EYA1: variants seen among roughly 807,000 people sequenced by gnomAD.
EYA1 encodes EYA transcriptional coactivator and phosphatase 1.
EYA1 carries 16 observed loss-of-function variants against 82.0 expected under a neutral mutation model. The observed-to-expected ratio is 0.20, with a 90% CI of 0.13 to 0.30. The LOEUF (loss-of-function observed/expected upper bound fraction) is 0.30. EYA1 is among the 10% of genes least tolerant of loss of function. EYA1 has a pLI of 1.00. For missense variants in EYA1, 633 were observed against 730.7 expected, an observed-to-expected ratio of 0.87 and a Z score of 1.54; for synonymous variants, 261 against 264.4, an observed-to-expected ratio of 0.99 and a Z score of 0.12.
At chr8:71,383,997 A>G (rs1211720514) in intron 2 of EYA1, among the ~76,000 whole-genome samples, 1 of 152,088 alleles carries the variant, frequency 6.6e-6, no homozygotes, top group Non-Finnish European at 1.5e-5. Context: ...AAATGTTATT[A>G]GAACATTTGT....
chr8:71,523,031 T>C (rs1267932092), intron 2 of EYA1, among the ~76,000 whole-genome samples: 2 of 152,200 alleles, frequency 1.3e-5, no homozygotes, highest in East Asian at 3.8e-4. Flanking sequence ...GATTATAAAA[T>C]TGTTTTTCTC....
intron 11 of EYA1, among the ~76,000 whole-genome samples, chr8:71,249,838 G>A (rs1813531954): frequency 6.6e-6 from 1 of 151,976 alleles, no homozygotes. Flanking sequence ...TTCAATGTGT[G>A]GCAAGTTGGA....
chr8:71,334,309 T>A, intron 3 of EYA1, 135 bp from the exon 4 acceptor site: 1 of 763,422 alleles, frequency 1.3e-6, no homozygotes, highest in Admixed American at 1.9e-5. Flanking sequence ...ACATATATCA[T>A]AAGCATAAAT....
chr8:71,477,014 G>A (rs1300862278), intron 2 of EYA1, among the ~76,000 whole-genome samples: 1 of 151,906 alleles, frequency 6.6e-6, no homozygotes, highest in East Asian at 1.9e-4. Context: ...GGAACAATTG[G>A]ATATCCTCAT....
At chr8:71,340,622 G>A (rs1825011756) in intron 3 of EYA1, among the ~76,000 whole-genome samples, 1 of 151,880 alleles carries the variant, frequency 6.6e-6, no homozygotes, top group African/African-American at 2.4e-5. Flanking sequence ...ACTCAGGGGT[G>A]GTTTCTTATT....
At chr8:71,253,298 A>G (rs1813971399) in intron 11 of EYA1, among the ~76,000 whole-genome samples, 1 of 152,130 alleles carries the variant, frequency 6.6e-6, no homozygotes, top group Admixed American at 6.5e-5. Flanking sequence ...GGTAAAATGC[A>G]TGTGACTTGG....
intron 16 of EYA1, 102 bp downstream of exon 16, chr8:71,215,285 C>A (rs1182198196): frequency 1.9e-6 from 2 of 1,062,690 alleles, no homozygotes; most frequent in Non-Finnish European, 2.8e-6. Context: ...TTTTTTTTGA[C>A]CTATGTAGCA....
chr8:71,429,911 G>A (rs534618041), intron 2 of EYA1, among the ~76,000 whole-genome samples: 1 of 152,188 alleles, frequency 6.6e-6, no homozygotes, highest in East Asian at 1.9e-4. Flanking sequence ...GCTTAACTTT[G>A]GCATTATGAA....
At chr8:71,294,391 C>T (rs1321461386) in intron 9 of EYA1, among the ~76,000 whole-genome samples, 1 of 151,994 alleles carries the variant, frequency 6.6e-6, no homozygotes, top group Non-Finnish European at 1.5e-5. Flanking sequence ...CCCCGGGGGG[C>T]GGAGCCTGCA....
intron 2 of EYA1, among the ~76,000 whole-genome samples, chr8:71,479,314 C>T (rs1809920662): frequency 6.6e-6 from 1 of 152,120 alleles, no homozygotes; most frequent in Admixed American, 6.6e-5. Flanking sequence ...TTGCACCTTC[C>T]CCACGAGGCC....
chr8:71,530,487 T>C (rs575058119), intron 2 of EYA1, among the ~76,000 whole-genome samples: 8 of 152,300 alleles, frequency 5.3e-5, no homozygotes, highest in African/African-American at 1.9e-4. Context: ...AAAAATGAAA[T>C]TGTAAATCTC....
intron 1 of EYA1, among the ~76,000 whole-genome samples, chr8:71,546,423 C>T (rs1039587865): frequency 5.3e-5 from 8 of 152,082 alleles, no homozygotes; most frequent in Non-Finnish European, 8.8e-5. Context: ...CATTGACCAA[C>T]ATGGACATCC....
intron 11 of EYA1, among the ~76,000 whole-genome samples, chr8:71,262,695 G>A (rs558556062): frequency 1.2e-4 from 19 of 152,262 alleles, no homozygotes; most frequent in South Asian, 4.2e-4. Context: ...TAAACAGCAA[G>A]AATGTACATT....
At chr8:71,264,301 C>A (rs1282465050) in intron 11 of EYA1, among the ~76,000 whole-genome samples, 1 of 152,112 alleles carries the variant, frequency 6.6e-6, no homozygotes, top group Admixed American at 6.5e-5. Flanking sequence ...TCTCTACTGG[C>A]GAACTGAGCT....
At chr8:71,232,220 A>G (rs1156481487) in intron 12 of EYA1, among the ~76,000 whole-genome samples, 1 of 152,230 alleles carries the variant, frequency 6.6e-6, no homozygotes, top group Non-Finnish European at 1.5e-5. Context: ...TTGTACTGAC[A>G]TGAGAAAAGT....
chr8:71,300,733 G>C (rs1820115711), intron 7 of EYA1, among the ~76,000 whole-genome samples: 1 of 151,964 alleles, frequency 6.6e-6, no homozygotes, highest in African/African-American at 2.4e-5. Context: ...TCCATAACAG[G>C]TACTATTCAG....
intron 2 of EYA1, among the ~76,000 whole-genome samples, chr8:71,516,680 T>A (rs944040214): frequency 6.6e-6 from 1 of 152,230 alleles, no homozygotes; most frequent in East Asian, 1.9e-4. Context: ...AGGGTGCATA[T>A]GAGACAAAGC....
chr8:71,299,959 A>C (rs1277831890), intron 7 of EYA1, among the ~76,000 whole-genome samples: 1 of 152,246 alleles, frequency 6.6e-6, no homozygotes, highest in East Asian at 1.9e-4. Flanking sequence ...GACTAATGAC[A>C]AAATAATACA....
At chr8:71,434,716 G>A (rs1383648977) in intron 2 of EYA1, among the ~76,000 whole-genome samples, 1 of 152,126 alleles carries the variant, frequency 6.6e-6, no homozygotes, top group Non-Finnish European at 1.5e-5. Context: ...TAAATAAATT[G>A]ATAGTTAGGG....
Sources: gnomAD v4.1 joint callset for allele counts (sites outside exome capture counted in the v4.1 genomes callset) on GRCh38, gnomAD v4.1.1 for gene constraint, MANE v1.5 for transcripts, NCBI Gene and HGNC (gene_info 2026-07-23, HGNC 2026-07-21) for gene names.